DPYSL3: variants seen among roughly 807,000 people sequenced by gnomAD.
DPYSL3 encodes dihydropyrimidinase-related protein 3.
Under a neutral mutation model 66.1 loss-of-function variants are expected in DPYSL3, and 16 were observed. The ratio of observed to expected loss-of-function variants is 0.24; its 90% CI spans 0.16 to 0.37. The LOEUF is 0.37. Among genes scored for constraint, DPYSL3 ranks in the 10% least tolerant of loss-of-function variants. The pLI is 1.00. For missense variants in DPYSL3, 738 were observed against 916.2 expected, an observed-to-expected ratio of 0.81 and a Z score of 2.51; for synonymous variants, 338 against 345.1, an observed-to-expected ratio of 0.98 and a Z score of 0.23.
intron 1 of DPYSL3, among the ~76,000 whole-genome samples, chr5:147,448,620 C>A (rs1752671348): frequency 6.6e-6 from 1 of 152,202 alleles, no homozygotes; most frequent in Admixed American, 6.5e-5. Context: ...TTCATGGCCA[C>A]TATTTGAGCC....
intron 1 of DPYSL3, among the ~76,000 whole-genome samples, chr5:147,468,907 G>A (rs550840245): frequency 6.6e-6 from 1 of 152,110 alleles, no homozygotes; most frequent in South Asian, 2.1e-4. Flanking sequence ...AAGAGCCAAT[G>A]GACAGCAATA....
intron 1 of DPYSL3, among the ~76,000 whole-genome samples, chr5:147,439,333 A>G (rs1292628000): frequency 1.3e-5 from 2 of 152,092 alleles, no homozygotes; most frequent in Non-Finnish European, 2.9e-5. Flanking sequence ...GGCATGTCTA[A>G]GGAGCTGTCT....
In DPYSL3 at chr5:147,456,637, C is replaced by T. The variant is rs562837748; in HGVS notation, c.382-31674G>A. Reference sequence around the variant, plus strand: ...CAGAGTCTCGCTCTTGTTGCCCAGGCTGGAGTGCAGTGGGGTGATCTCGGC... The same window carrying T: ...CAGAGTCTCGCTCTTGTTGCCCAGGTTGGAGTGCAGTGGGGTGATCTCGGC... On this transcript the variant is annotated intron_variant, in intron 1 of 13. Transcript: ENST00000343218. 1.0e-4 allele frequency among the ~76,000 whole-genome samples: 13 copies of T among 130,334 alleles called. No homozygotes were observed. The South Asian group carries it at 2.0e-3, about 20-fold the overall frequency. The allele number at this position is 130,334 out of a possible 152,430, so 85.5% of individuals were successfully genotyped here. A position where few individuals can be genotyped will look rare whatever the true frequency, so the allele number is the denominator to read the frequency against.
chr5:147,480,322 T>TGTA (rs1345182442), intron 1 of DPYSL3, among the ~76,000 whole-genome samples: 8 of 152,208 alleles, frequency 5.3e-5, no homozygotes, highest in Non-Finnish European at 1.0e-4. Flanking sequence ...GCAATGAACC[T>TGTA]GTAGGGCAGC....
chr5:147,502,067 G>T (rs1753619896), intron 1 of DPYSL3, among the ~76,000 whole-genome samples: 2 of 152,086 alleles, frequency 1.3e-5, no homozygotes, highest in African/African-American at 4.8e-5. Context: ...ACACTGGGAT[G>T]CCCAAGATAA....
At chr5:147,469,542 T>C (rs550651510) in intron 1 of DPYSL3, among the ~76,000 whole-genome samples, 3 of 152,250 alleles carry the variant, frequency 2.0e-5, no homozygotes, top group African/African-American at 7.2e-5. Flanking sequence ...TAAACTGGAC[T>C]ATTTAATCAG....
intron 1 of DPYSL3, among the ~76,000 whole-genome samples, chr5:147,447,847 A>G (rs145976653): frequency 1.7e-4 from 26 of 152,294 alleles, no homozygotes; most frequent in African/African-American, 5.3e-4. Context: ...TCAAAAAACA[A>G]AAGACAAACA....
At chr5:147,419,142 T>C (rs1752033008) in intron 2 of DPYSL3, among the ~76,000 whole-genome samples, 1 of 152,182 alleles carries the variant, frequency 6.6e-6, no homozygotes, top group Non-Finnish European at 1.5e-5. Context: ...GTCTGGGTTA[T>C]TTCCCACCTA....
At chr5:147,482,926 G>C (rs1399579862) in intron 1 of DPYSL3, among the ~76,000 whole-genome samples, 1 of 152,160 alleles carries the variant, frequency 6.6e-6, no homozygotes, top group Non-Finnish European at 1.5e-5. Context: ...AGTGTGTGAA[G>C]GAGGAACTGT....
intron 1 of DPYSL3, among the ~76,000 whole-genome samples, chr5:147,495,256 G>A (rs1376654073): frequency 6.6e-6 from 1 of 152,050 alleles, no homozygotes; most frequent in Admixed American, 6.6e-5. Flanking sequence ...CAAAAGAAAA[G>A]CAGAGCTATC....
intron 1 of DPYSL3, 93 bp from the exon 2 acceptor site, chr5:147,425,056 T>C: frequency 1.1e-6 from 1 of 926,386 alleles, no homozygotes; most frequent in Non-Finnish European, 1.7e-6. Flanking sequence ...GTTCTAGATG[T>C]CTAGTAGAAA....
At chr5:147,400,447 T>C (rs3213857) in intron 10 of DPYSL3, among the ~76,000 whole-genome samples, 4 of 152,262 alleles carry the variant, frequency 2.6e-5, no homozygotes, top group African/African-American at 4.8e-5. Flanking sequence ...AGGAGTTGCA[T>C]GTCTGGTTCC....
At chr5:147,449,679 C>T (rs887028738) in intron 1 of DPYSL3, among the ~76,000 whole-genome samples, 3 of 152,200 alleles carry the variant, frequency 2.0e-5, no homozygotes, top group Non-Finnish European at 2.9e-5. Context: ...ACTGACTTCA[C>T]CTAACCATAT....
intron 1 of DPYSL3, among the ~76,000 whole-genome samples, chr5:147,448,854 G>C (rs1420670330): frequency 2.0e-5 from 3 of 152,174 alleles, no homozygotes; most frequent in African/African-American, 7.2e-5. Flanking sequence ...GCACATACCT[G>C]CTCAAAATTT....
intron 1 of DPYSL3, among the ~76,000 whole-genome samples, chr5:147,460,090 G>A (rs907751732): frequency 1.1e-4 from 16 of 151,528 alleles, no homozygotes; most frequent in African/African-American, 2.9e-4. Context: ...CAGCCTGGGC[G>A]ACAGAACGAG....
At chr5:147,420,709 T>C (rs1423205541) in intron 2 of DPYSL3, among the ~76,000 whole-genome samples, 4 of 152,202 alleles carry the variant, frequency 2.6e-5, no homozygotes, top group East Asian at 1.9e-4. Flanking sequence ...AATTTCAGGA[T>C]TGAATTATGA....
At chr5:147,494,893 A>C (rs1020875506) in intron 1 of DPYSL3, among the ~76,000 whole-genome samples, 2 of 149,112 alleles carry the variant, frequency 1.3e-5, no homozygotes, top group African/African-American at 4.9e-5. Context: ...TAATAATAAT[A>C]ATAATAATAA....
Position 147,393,089 on chromosome 5 carries a change from A to G in DPYSL3, c.*946T>C, listed in dbSNP as rs976339248. The G allele has an allele frequency of 2.0e-5, 3 of 151,640 alleles. No individual in the cohort carries two copies. Among genetic ancestry groups the G allele is most frequent in the Non-Finnish European group, 4.4e-5 (3 of 67,900 alleles). The allele number at this position is 151,640 out of a possible 1,614,324, so 9.4% of individuals were successfully genotyped here. On this transcript the variant is annotated 3_prime_UTR_variant, in exon 14 of 14. Coordinates refer to ENST00000343218, the MANE Select transcript of DPYSL3 (RefSeq NM_001197294.2). ...TGACTTGGGATGCCAGAAGCATGCC[A>G]CTCTTCTCGGTTTGCAAAGACAGAA...
intron 6 of DPYSL3, 136 bp from the exon 7 acceptor site, chr5:147,408,932 G>A (rs1751784782): frequency 1.2e-6 from 1 of 843,558 alleles, no homozygotes. Flanking sequence ...TATATTTGGA[G>A]TTGCAATATA....
Sources: gnomAD v4.1 joint callset for allele counts (sites outside exome capture counted in the v4.1 genomes callset) on GRCh38, gnomAD v4.1.1 for gene constraint, MANE v1.5 for transcripts, NCBI Gene and HGNC (gene_info 2026-07-23, HGNC 2026-07-21) for gene names.